Variants in OPCML observed in about 807,000 individuals in gnomAD.
The protein encoded by OPCML is opioid binding protein/cell adhesion molecule like.
A neutral mutation model predicts 37.8 loss-of-function variants in OPCML; 13 were observed. The observed-to-expected ratio is 0.34, with a 90% CI of 0.22 to 0.55. The LOEUF is 0.55. OPCML is among the 20% of genes least tolerant of loss of function. The pLI is 0.91. For missense variants in OPCML, 341 were observed against 435.6 expected (o/e 0.78, Z 1.93); for synonymous variants, 176 against 168.8 (o/e 1.04, Z -0.33).
chr11:132,528,052 C>T (rs1395639550), intron 4 of OPCML, among the ~76,000 whole-genome samples: 2 of 152,180 alleles, frequency 1.3e-5, no homozygotes, highest in Non-Finnish European at 2.9e-5. Context: ...ATTCCTTGAT[C>T]TCAGACATCT....
At chr11:132,715,471 C>T (rs2135961996) in intron 2 of OPCML, among the ~76,000 whole-genome samples, 1 of 152,304 alleles carries the variant, frequency 6.6e-6, no homozygotes, top group South Asian at 2.1e-4. Flanking sequence ...TCCACACCAA[C>T]TCCTTGTCAT....
At chr11:132,824,988 T>G (rs891473012) in intron 2 of OPCML, among the ~76,000 whole-genome samples, 3 of 152,194 alleles carry the variant, frequency 2.0e-5, no homozygotes, top group African/African-American at 4.8e-5. Context: ...AGAGAGGGCT[T>G]CTCTGATACA....
chr11:133,420,252 A>G, intron 1 of OPCML: 7 of 985,384 alleles, frequency 7.1e-6, no homozygotes, highest in Non-Finnish European at 8.4e-6. Flanking sequence ...ATGCTGCAAT[A>G]CTGATCACAG....
intron 2 of OPCML, among the ~76,000 whole-genome samples, chr11:132,814,331 A>G (rs573064191): frequency 1.2e-3 from 183 of 152,290 alleles, no homozygotes; most frequent in Non-Finnish European, 2.2e-3. Context: ...AGGCTGAGAA[A>G]CTTCATAATC....
At chr11:132,495,734 A>G (rs907724033) in intron 4 of OPCML, among the ~76,000 whole-genome samples, 1 of 152,078 alleles carries the variant, frequency 6.6e-6, no homozygotes, top group Non-Finnish European at 1.5e-5. Flanking sequence ...CACTAAAAAT[A>G]CAAAAACAAA....
chr11:132,874,136 C>T (rs188064581), intron 2 of OPCML, among the ~76,000 whole-genome samples: 1 of 152,306 alleles, frequency 6.6e-6, no homozygotes. Context: ...TTAATGACTG[C>T]CATCAATTAT....
At chr11:133,155,720 A>G (rs930878443) in intron 1 of OPCML, among the ~76,000 whole-genome samples, 2 of 152,146 alleles carry the variant, frequency 1.3e-5, no homozygotes, top group African/African-American at 4.8e-5. Context: ...CCTACTTGAC[A>G]TCTCCGCAGA....
chr11:132,715,302 C>T (rs1266955797), intron 2 of OPCML, among the ~76,000 whole-genome samples: 1 of 152,216 alleles, frequency 6.6e-6, no homozygotes, highest in African/African-American at 2.4e-5. Flanking sequence ...TTAAATGCTA[C>T]AGATATACAG....
intron 1 of OPCML, among the ~76,000 whole-genome samples, chr11:133,531,403 T>C (rs916979663): frequency 6.6e-6 from 1 of 152,120 alleles, no homozygotes; most frequent in Non-Finnish European, 1.5e-5. Context: ...TTAGACAAGG[T>C]GGGGAAGGGG....
intron 1 of OPCML, among the ~76,000 whole-genome samples, chr11:133,209,255 T>C (rs1421234052): frequency 6.6e-6 from 1 of 152,224 alleles, no homozygotes; most frequent in Non-Finnish European, 1.5e-5. Context: ...TTTCCGCATC[T>C]AGTGCAATAC....
chr11:132,689,897 G>C (rs1943329892), intron 2 of OPCML, among the ~76,000 whole-genome samples: 2 of 152,204 alleles, frequency 1.3e-5, no homozygotes, highest in South Asian at 4.1e-4. Context: ...ATTTGCCTTG[G>C]ACCATAAGTA....
At chr11:133,013,299 A>G (rs1421531034) in intron 1 of OPCML, among the ~76,000 whole-genome samples, 2 of 152,234 alleles carry the variant, frequency 1.3e-5, no homozygotes, top group Admixed American at 6.5e-5. Context: ...CAATATTTCA[A>G]AAATGAAATG....
intron 1 of OPCML, among the ~76,000 whole-genome samples, chr11:133,091,635 C>T (rs1190630332): frequency 6.6e-6 from 1 of 152,200 alleles, no homozygotes; most frequent in Non-Finnish European, 1.5e-5. Context: ...TTGGGACCTA[C>T]TACCCTTTAT....
chr11:132,720,221 C>G (rs1944630452), intron 2 of OPCML, among the ~76,000 whole-genome samples: 1 of 152,202 alleles, frequency 6.6e-6, no homozygotes, highest in African/African-American at 2.4e-5. Flanking sequence ...GATGGAAGAC[C>G]AGGCCCTGAG....
intron 3 of OPCML, among the ~76,000 whole-genome samples, chr11:132,567,842 G>A (rs1181292117): frequency 6.6e-6 from 1 of 152,226 alleles, no homozygotes; most frequent in Non-Finnish European, 1.5e-5. Flanking sequence ...GGGTAACTAA[G>A]GCTCTAGGAG....
intron 1 of OPCML, among the ~76,000 whole-genome samples, chr11:133,507,468 C>A (rs1453153665): frequency 6.6e-6 from 1 of 152,130 alleles, no homozygotes; most frequent in Non-Finnish European, 1.5e-5. Context: ...AGTCCAGTGG[C>A]CACACAGCCA....
Position 133,143,491 on chromosome 11 carries a change from C to G in OPCML, c.62-200481G>C, listed in dbSNP as rs1211421075. Among the ~76,000 whole-genome samples the G allele has an allele frequency of 3.9e-5, 6 of 152,314 alleles. No homozygotes were observed. In the East Asian group the frequency reaches 9.7e-4, roughly 25 times the overall value. ...CAGAATGCATGCATGGAGCAGACTCCTTGCAGACCCACATAGTATTGTGAC... is the reference window on the plus strand; with the variant it reads ...CAGAATGCATGCATGGAGCAGACTCGTTGCAGACCCACATAGTATTGTGAC... On this transcript the variant is annotated intron_variant, in intron 1 of 7. Coordinates refer to ENST00000524381, the MANE Select transcript of OPCML (RefSeq NM_001012393.5).
At chr11:132,781,668 G>T (rs914947529) in intron 2 of OPCML, among the ~76,000 whole-genome samples, 1 of 151,066 alleles carries the variant, frequency 6.6e-6, no homozygotes, top group African/African-American at 2.4e-5. Flanking sequence ...TAACCATGGG[G>T]TGTTCACACC....
chr11:132,898,491 T>C (rs1405093492), intron 2 of OPCML, among the ~76,000 whole-genome samples: 2 of 152,162 alleles, frequency 1.3e-5, no homozygotes, highest in Non-Finnish European at 2.9e-5. Flanking sequence ...GTCCCACCAT[T>C]CTGAAGCAAC....
Sources: gnomAD v4.1 joint callset for allele counts (sites outside exome capture counted in the v4.1 genomes callset) on GRCh38, gnomAD v4.1.1 for gene constraint, MANE v1.5 for transcripts, NCBI Gene and HGNC (gene_info 2026-07-23, HGNC 2026-07-21) for gene names.